The following MSN variants were observed in gnomAD, a reference collection of about 807,000 sequenced individuals.
MSN encodes moesin, also known as epididymis luminal protein 70.
A neutral mutation model predicts 48.0 loss-of-function variants in MSN; 2 were observed. The observed-to-expected ratio is 0.04, with a 90% CI of 0.02 to 0.13. MSN has a LOEUF of 0.13. MSN is among the 10% of genes least tolerant of loss of function. The pLI is 1.00. For synonymous variants in MSN, 146 were observed against 166.9 expected (o/e 0.87, Z 0.97); for missense variants, 267 against 470.1 (o/e 0.57, Z 3.99).
intron 1 of MSN, among the ~76,000 whole-genome samples, chrX:65,590,227 G>T (rs1309383900): frequency 9.0e-6 from 1 of 111,385 alleles, no homozygotes; most frequent in East Asian, 2.8e-4. Context: ...TAGAGGAGGA[G>T]TTGGCTTATT....
intron 1 of MSN, among the ~76,000 whole-genome samples, chrX:65,677,391 A>G (rs1372990052): frequency 1.8e-5 from 2 of 112,480 alleles, no homozygotes; most frequent in African/African-American, 3.2e-5. Context: ...TTTACAAAGA[A>G]GAAAAGTCAC....
At chrX:65,706,593 A>G (rs1244324157) in intron 1 of MSN, among the ~76,000 whole-genome samples, 1 of 112,030 alleles carries the variant, frequency 8.9e-6, no homozygotes, top group Non-Finnish European at 1.9e-5. Flanking sequence ...CAGGCTTCCT[A>G]TGCCAGAATG....
chrX:65,681,700 T>C (rs1295506950), intron 1 of MSN, among the ~76,000 whole-genome samples: 1 of 112,134 alleles, frequency 8.9e-6, no homozygotes, highest in Non-Finnish European at 1.9e-5. Context: ...TTTAGGGTTA[T>C]GCTGAGGATT....
chrX:65,596,902 C>T (rs1169912587), intron 1 of MSN, among the ~76,000 whole-genome samples: 9 of 111,681 alleles, frequency 8.1e-5, no homozygotes, highest in African/African-American at 2.3e-4. Context: ...ACTGGGCTTT[C>T]ATTGGAGACA....
At chrX:65,613,418 T>C (rs1451464910) in intron 1 of MSN, among the ~76,000 whole-genome samples, 1 of 114,960 alleles carries the variant, frequency 8.7e-6, no homozygotes, top group Non-Finnish European at 1.9e-5. Context: ...TCAAATGGTA[T>C]TTCTGCTTCT....
At chrX:65,650,173 C>T (rs748110078) in intron 1 of MSN, among the ~76,000 whole-genome samples, 1 of 106,649 alleles carries the variant, frequency 9.4e-6, no homozygotes, top group Admixed American at 1.0e-4. Flanking sequence ...CTGCAACCTC[C>T]CCCTCCTGGG....
chrX:65,718,775 G>A (rs764622139), intron 2 of MSN, among the ~76,000 whole-genome samples: 1 of 99,964 alleles, frequency 1.0e-5, no homozygotes, highest in South Asian at 4.4e-4. Context: ...CTATGATCAC[G>A]CCACTGTACT....
chrX:65,727,723 A>T, intron 2 of MSN, 91 bp from the exon 3 acceptor site: 1 of 726,076 alleles, frequency 1.4e-6, no homozygotes, highest in Admixed American at 2.6e-5. Context: ...TTAAGGGCAG[A>T]TATAATATTG....
chrX:65,685,481 A>G (rs2071105864), intron 1 of MSN, among the ~76,000 whole-genome samples: 1 of 112,445 alleles, frequency 8.9e-6, no homozygotes, highest in Admixed American at 9.4e-5. Flanking sequence ...TGATAGGCAC[A>G]TGCTTTTCCA....
At chrX:65,726,856 G>A (rs1216621677) in intron 2 of MSN, among the ~76,000 whole-genome samples, 2 of 111,338 alleles carry the variant, frequency 1.8e-5, no homozygotes, top group South Asian at 3.8e-4. Flanking sequence ...TGCTGCCATC[G>A]ACAGTGGTGG....
At chrX:65,727,688 C>A (rs191893838) in intron 2 of MSN, 126 bp from the exon 3 acceptor site, 37 of 483,442 alleles carry the variant, frequency 7.7e-5, no homozygotes, top group Admixed American at 5.0e-4. Context: ...TATTTTCTTG[C>A]CAGATGCTGA....
At chrX:65,641,800 G>T (rs577821739) in intron 1 of MSN, among the ~76,000 whole-genome samples, 16 of 106,755 alleles carry the variant, frequency 1.5e-4, no homozygotes, top group Non-Finnish European at 2.3e-4. Flanking sequence ...TATGCCTAAG[G>T]TTATTTATCA....
At chrX:65,639,712 G>T (rs1207616938) in intron 1 of MSN, among the ~76,000 whole-genome samples, 1 of 111,514 alleles carries the variant, frequency 9.0e-6, no homozygotes. Flanking sequence ...GGGATTCTTG[G>T]CTACCTCAAC....
rs2071729970 is a variant in MSN, at chrX:65,740,840, A to G, written c.*947A>G. On this transcript the variant is annotated 3_prime_UTR_variant, in exon 13 of 13. Transcript: ENST00000360270. ...CAGGACTCTTGTGAAAAGAGAGGAT[A>G]TGTTCACACCTAGCGTCAGTATTTT... 5.8e-6 allele frequency: 1 copy of G among 172,728 alleles called. No individual in the cohort carries two copies. The highest frequency in any genetic ancestry group is 1.1e-5 in the Non-Finnish European group (1 of 89,821). The allele number at this position is 172,728 out of a possible 1,213,427, so 14.2% of individuals were successfully genotyped here.
intron 1 of MSN, among the ~76,000 whole-genome samples, chrX:65,638,410 A>G (rs900259037): frequency 8.9e-6 from 1 of 112,272 alleles, no homozygotes. Flanking sequence ...CCTTGATAGT[A>G]TATTTATACA....
intron 1 of MSN, among the ~76,000 whole-genome samples, chrX:65,620,790 C>T: frequency 9.0e-6 from 1 of 110,882 alleles, no homozygotes. Context: ...ATCCAATTTA[C>T]CTATTTTTTT....
chrX:65,726,444 C>T (rs1163860505), intron 2 of MSN, among the ~76,000 whole-genome samples: 1 of 111,355 alleles, frequency 9.0e-6, no homozygotes, highest in Non-Finnish European at 1.9e-5. Flanking sequence ...GTTTACTGTT[C>T]AGCGCCTGAC....
chrX:65,652,427 C>T (rs1165319782), intron 1 of MSN, among the ~76,000 whole-genome samples: 1 of 111,519 alleles, frequency 9.0e-6, no homozygotes, highest in African/African-American at 3.3e-5. Context: ...GAACCCATGT[C>T]ACAGGAAGAG....
At chrX:65,650,128 CCTCCCCCTCCTGCAAA>C (rs1441263764) in intron 1 of MSN, among the ~76,000 whole-genome samples, 4 of 94,188 alleles carry the variant, frequency 4.2e-5, no homozygotes, top group African/African-American at 1.7e-4. Flanking sequence ...GGTACTGCAA[CCTCCCCCTCCTGCAAA>C]CTCCCCCTCC....
Sources: allele counts gnomAD v4.1 joint callset (sites outside exome capture counted in the v4.1 genomes callset), GRCh38; gene constraint gnomAD v4.1.1; transcripts MANE v1.5; gene names NCBI Gene and HGNC (gene_info 2026-07-23, HGNC 2026-07-21).